The following UNC13C variants were observed in gnomAD, a reference collection of about 807,000 sequenced individuals.
The protein encoded by UNC13C is protein unc-13 homolog C.
In UNC13C, 174 loss-of-function variants were observed where a neutral mutation model predicts 245.4. The observed-to-expected ratio is 0.71, with a 90% CI of 0.63 to 0.80. The LOEUF is 0.80. UNC13C is among the 30% of genes least tolerant of loss of function. The probability of loss-of-function intolerance (pLI) is 0.00; values close to 1 mark genes in which losing one functional copy is unlikely to be tolerated. For missense variants in UNC13C, 2,829 were observed against 2,602.9 expected, an observed-to-expected ratio of 1.09 and a Z score of -1.89; for synonymous variants, 992 against 895.1, an observed-to-expected ratio of 1.11 and a Z score of -1.93.
Position 54,389,157 on chromosome 15 carries a change from A to G in UNC13C, c.4714-3891A>G, listed in dbSNP as rs200732020. The stretch of plus-strand genomic sequence containing the variant: ...GTCTTTTATTTCCCAAAGTATGTTC[A>G]GAAGAACACTTATCCTGTGAAAAGT... On this transcript the variant is annotated intron_variant, in intron 17 of 32. Transcript: ENST00000260323. Among the ~76,000 whole-genome samples, 43 of 152,306 alleles carry G rather than the reference A, an allele frequency of 2.8e-4. No individual in the cohort carries two copies. In the East Asian group the frequency reaches 7.0e-3, roughly 25 times the overall value.
chr15:54,243,953 T>G (rs1312254368), intron 7 of UNC13C, among the ~76,000 whole-genome samples: 1 of 152,234 alleles, frequency 6.6e-6, no homozygotes. Context: ...TTTTAGTTTC[T>G]TTTGCTGCAT....
chr15:54,395,385 C>G lies in UNC13C; in HGVS notation c.4847+2204C>G, dbSNP rs1248039858. Among the ~76,000 whole-genome samples the G allele has an allele frequency of 2.6e-5, 4 of 151,742 alleles. No homozygotes were observed. In the East Asian group the frequency reaches 7.7e-4, roughly 29 times the overall value. On this transcript the variant is annotated intron_variant, in intron 18 of 32. Coordinates refer to ENST00000260323, the MANE Select transcript of UNC13C (RefSeq NM_001080534.3). ...TGCAGAATTTCACAAAGTAAAAAAT[C>G]CAGACCACTAGGGTAAGGATCACAT...
chr15:54,442,326 G>A (rs757694744), intron 19 of UNC13C, among the ~76,000 whole-genome samples: 10 of 149,382 alleles, frequency 6.7e-5, no homozygotes, highest in African/African-American at 1.5e-4. Flanking sequence ...AGATTCAAGC[G>A]ATTCTTCTGC....
chr15:54,003,207 G>T (rs1326526154), intron 1 of UNC13C, among the ~76,000 whole-genome samples: 2 of 152,232 alleles, frequency 1.3e-5, no homozygotes, highest in Non-Finnish European at 2.9e-5. Context: ...AAAAAAAGTG[G>T]GAGGGGGCTT....
At chr15:54,313,609 C>A (rs1052493418) in intron 13 of UNC13C, among the ~76,000 whole-genome samples, 1 of 151,590 alleles carries the variant, frequency 6.6e-6, no homozygotes, top group Non-Finnish European at 1.5e-5. Flanking sequence ...AACTGCATAA[C>A]CTTTAAAGTA....
chr15:53,963,539 G>A, the UNC13C span, among the ~76,000 whole-genome samples: 2 of 152,134 alleles, frequency 1.3e-5, no homozygotes, highest in Admixed American at 1.3e-4. Flanking sequence ...CACGTGTAAA[G>A]GATTTAGCTC....
the UNC13C span, among the ~76,000 whole-genome samples, chr15:53,859,324 C>T: frequency 2.6e-5 from 4 of 152,024 alleles, no homozygotes; most frequent in Non-Finnish European, 5.9e-5. Context: ...ATCCTGACTA[C>T]CTCACAAAAA....
chr15:54,177,546 G>C (rs942611580), intron 4 of UNC13C, among the ~76,000 whole-genome samples: 19 of 152,116 alleles, frequency 1.2e-4, no homozygotes, highest in Non-Finnish European at 2.5e-4. Flanking sequence ...TAAACCAGTG[G>C]AAAGGAATAC....
intron 2 of UNC13C, among the ~76,000 whole-genome samples, chr15:54,141,114 T>G (rs1463517928): frequency 6.6e-6 from 1 of 152,186 alleles, no homozygotes; most frequent in Non-Finnish European, 1.5e-5. Context: ...TATTGCAGAT[T>G]TGAAATCAGA....
chr15:54,610,318 C>G (rs532122719), intron 30 of UNC13C, among the ~76,000 whole-genome samples: 1 of 152,158 alleles, frequency 6.6e-6, no homozygotes, highest in East Asian at 1.9e-4. Context: ...TCACTTCAGC[C>G]TCCGCCTTCC....
chr15:54,470,564 G>C (rs1892405340), intron 19 of UNC13C, among the ~76,000 whole-genome samples: 1 of 151,240 alleles, frequency 6.6e-6, no homozygotes, highest in South Asian at 2.1e-4. Context: ...ATGATCCTTT[G>C]TACTTTGTGT....
chr15:54,099,549 C>T (rs1900056194), intron 2 of UNC13C, among the ~76,000 whole-genome samples: 1 of 152,128 alleles, frequency 6.6e-6, no homozygotes, highest in Non-Finnish European at 1.5e-5. Flanking sequence ...TTCATGTTCA[C>T]ATTCTGATGA....
chr15:54,629,027 G>A (rs986676785), downstream of UNC13C: 1 of 152,068 alleles, frequency 6.6e-6, no homozygotes, highest in Non-Finnish European at 1.5e-5. Flanking sequence ...CAAACACATG[G>A]AACCATCCTA....
At chr15:53,945,055 G>A in the UNC13C span, among the ~76,000 whole-genome samples, 2 of 152,172 alleles carry the variant, frequency 1.3e-5, no homozygotes, top group Non-Finnish European at 1.5e-5. Context: ...CTGCATGTAT[G>A]TCTTCTTTTG....
intron 4 of UNC13C, among the ~76,000 whole-genome samples, chr15:54,157,352 A>G (rs897759848): frequency 3.3e-5 from 5 of 152,232 alleles, no homozygotes; most frequent in Admixed American, 1.3e-4. Flanking sequence ...TTAATGCTCC[A>G]TTTGAAAACT....
At chr15:53,926,997 G>T in the UNC13C span, among the ~76,000 whole-genome samples, 2 of 152,206 alleles carry the variant, frequency 1.3e-5, no homozygotes. Flanking sequence ...GTCTTAAGCA[G>T]ATAGATTGTC....
chr15:54,487,689 C>T (rs1893484554), intron 19 of UNC13C, among the ~76,000 whole-genome samples: 1 of 149,980 alleles, frequency 6.7e-6, no homozygotes, highest in South Asian at 2.1e-4. Context: ...ATTGCTTGAC[C>T]TCAGGAGGTG....
chr15:54,338,171 A>G (rs915106224), intron 16 of UNC13C, among the ~76,000 whole-genome samples, 190 bp from the exon 17 acceptor site: 2 of 152,226 alleles, frequency 1.3e-5, no homozygotes, highest in Non-Finnish European at 2.9e-5. Flanking sequence ...TACAGCCATT[A>G]TCATTTTCAA....
the UNC13C span, among the ~76,000 whole-genome samples, chr15:53,929,158 G>A: frequency 6.6e-6 from 1 of 152,162 alleles, no homozygotes; most frequent in Non-Finnish European, 1.5e-5. Context: ...TTACATGGTG[G>A]CAGGCAAGAG....
Sources: gnomAD v4.1 joint callset for allele counts (sites outside exome capture counted in the v4.1 genomes callset) on GRCh38, gnomAD v4.1.1 for gene constraint, MANE v1.5 for transcripts, NCBI Gene and HGNC (gene_info 2026-07-23, HGNC 2026-07-21) for gene names.